IQSEC1: variants seen among roughly 807,000 people sequenced by gnomAD.
The protein encoded by IQSEC1 is IQ motif and Sec7 domain ArfGEF 1.
A neutral mutation model predicts 91.0 loss-of-function variants in IQSEC1; 31 were observed. That is an observed-to-expected ratio of 0.34 (90% CI 0.26 to 0.46). IQSEC1 has a LOEUF of 0.46. Ranked by LOEUF, IQSEC1 falls within the 20% of genes least tolerant of loss-of-function variation. IQSEC1 has a pLI of 1.00. For synonymous variants in IQSEC1, 699 were observed against 662.6 expected (o/e 1.05, Z -0.84); for missense variants, 1,388 against 1,575.6 (o/e 0.88, Z 2.02).
intron 3 of IQSEC1, among the ~76,000 whole-genome samples, chr3:12,934,705 T>C (rs1698006716): frequency 6.6e-6 from 1 of 152,096 alleles, no homozygotes; most frequent in Admixed American, 6.5e-5. Context: ...CCTCCTCCCC[T>C]TCCTCTTGCT....
intron 1 of IQSEC1, among the ~76,000 whole-genome samples, chr3:13,032,767 A>G (rs1035211324): frequency 6.6e-6 from 1 of 152,006 alleles, no homozygotes; most frequent in East Asian, 1.9e-4. Context: ...TGTATTTTTA[A>G]TAGAGACGGG....
At chr3:13,063,894 C>T (rs907660002) in intron 1 of IQSEC1, among the ~76,000 whole-genome samples, 3 of 152,136 alleles carry the variant, frequency 2.0e-5, no homozygotes, top group African/African-American at 4.8e-5. Flanking sequence ...TGGCTGTCTG[C>T]TGTCCTCAAT....
chr3:13,023,565 TCACC>T, intron 1 of IQSEC1, among the ~76,000 whole-genome samples: 1 of 152,038 alleles, frequency 6.6e-6, no homozygotes, highest in Non-Finnish European at 1.5e-5. Context: ...GAGAGGGCCA[TCACC>T]TGTCTGCAGA....
chr3:13,190,028 C>T (rs542905444), intron 1 of IQSEC1, among the ~76,000 whole-genome samples: 159 of 152,344 alleles, frequency 1.0e-3, no homozygotes, highest in Non-Finnish European at 2.0e-3. Flanking sequence ...CCGCCCTGAC[C>T]ACCTGGGTCT....
intron 4 of IQSEC1, among the ~76,000 whole-genome samples, chr3:12,923,977 A>G (rs1696873953): frequency 6.6e-6 from 1 of 152,188 alleles, no homozygotes; most frequent in South Asian, 2.1e-4. Flanking sequence ...CTGAACTGAG[A>G]AGAGCTGTGG....
At chr3:13,026,517 G>A (rs995148316) in intron 1 of IQSEC1, among the ~76,000 whole-genome samples, 5 of 152,236 alleles carry the variant, frequency 3.3e-5, no homozygotes, top group African/African-American at 1.2e-4. Context: ...TATCACTTGA[G>A]GATTTGGTGA....
Position 12,936,481 on chromosome 3 carries a change from C to T in IQSEC1, c.535G>A (p.Glu179Lys), listed in dbSNP as rs989850235. The T allele has an allele frequency of 2.8e-5, 45 of 1,611,966 alleles. No individual in the cohort carries two copies. Among genetic ancestry groups the T allele is most frequent in the Non-Finnish European group, 3.5e-5 (41 of 1,178,874 alleles). Residue 179 changes from glutamate (E) to lysine (K), a missense_variant, in exon 3 of 14, where the codon GAG becomes AAG. By Grantham distance (56) the Glu-to-Lys change is moderately conservative (BLOSUM62 1). This residue lies in a region of IQSEC1 where 1,059 missense variants were observed against 1,317.8 expected (regional missense o/e 0.80). Coordinates refer to ENST00000613206, the MANE Select transcript of IQSEC1 (RefSeq NM_001134382.3). ...TTAGTCACTGAGACCTGCTTCCCCTCGAAGTAGGAGCTGTGCACTTTCTCA... is the reference window on the plus strand; with the variant it reads ...TTAGTCACTGAGACCTGCTTCCCCTTGAAGTAGGAGCTGTGCACTTTCTCA... ...GPEKVHSSYF[E>K]GKQVSVTNDG...
chr3:12,960,268 G>C (rs577225522), intron 1 of IQSEC1: 2 of 152,174 alleles, frequency 1.3e-5, no homozygotes. Flanking sequence ...TCTGAGGATC[G>C]TTCTTAGCCC....
At chr3:13,209,610 C>T (rs1694407652) in intron 1 of IQSEC1, among the ~76,000 whole-genome samples, 1 of 152,204 alleles carries the variant, frequency 6.6e-6, no homozygotes, top group Non-Finnish European at 1.5e-5. Flanking sequence ...CTCCCTGCAG[C>T]ACACCCCTGC....
chr3:13,252,702 ACTT>A (rs1426568353), intron 1 of IQSEC1, among the ~76,000 whole-genome samples: 1 of 149,238 alleles, frequency 6.7e-6, no homozygotes, highest in Non-Finnish European at 1.5e-5. Context: ...TCACCAACAG[ACTT>A]CTTATTATCT....
At chr3:13,234,134 G>A (rs1235662117) in intron 1 of IQSEC1, among the ~76,000 whole-genome samples, 1 of 152,208 alleles carries the variant, frequency 6.6e-6, no homozygotes, top group Non-Finnish European at 1.5e-5. Flanking sequence ...CACAGATTGT[G>A]CCTGTGTTTG....
At chr3:12,966,708 C>G (rs536337757) in intron 1 of IQSEC1, among the ~76,000 whole-genome samples, 1 of 152,280 alleles carries the variant, frequency 6.6e-6, no homozygotes, top group East Asian at 1.9e-4. Flanking sequence ...CATCCACACT[C>G]TGCCACAAAC....
intron 2 of IQSEC1, among the ~76,000 whole-genome samples, chr3:13,145,606 C>T (rs1168719162): frequency 6.6e-6 from 1 of 152,164 alleles, no homozygotes; most frequent in East Asian, 1.9e-4. Flanking sequence ...CTTGGCCCAA[C>T]CATGACTTTC....
At chr3:13,043,537 G>A (rs1312931139) in intron 1 of IQSEC1, among the ~76,000 whole-genome samples, 1 of 152,226 alleles carries the variant, frequency 6.6e-6, no homozygotes, top group Non-Finnish European at 1.5e-5. Flanking sequence ...CACCCCTCGT[G>A]TCTAAGCTAT....
In IQSEC1 at chr3:12,924,792, C is replaced by T. The variant is rs1025919386; in HGVS notation, c.1569-50G>A. ...CAGTCCCAGCTGCCCGGCCACCAGC[C>T]AGGCACCTGGAGGGGATCTCCGCTC... On this transcript the variant is annotated intron_variant, in intron 3 of 13. Transcript: ENST00000613206. The surrounding 1 kb of genome is among the most constrained non-coding windows in gnomAD (Gnocchi z 6.3). 4 of 1,500,722 alleles carry T rather than the reference C, an allele frequency of 2.7e-6. No individual in the cohort carries two copies. Among genetic ancestry groups the T allele is most frequent in the African/African-American group, 2.8e-5 (2 of 71,290 alleles). 93.0% of individuals were successfully genotyped at this position (1,500,722 alleles called of 1,614,324 possible).
At chr3:13,076,931 T>C (rs150866766), upstream of IQSEC1, among the ~76,000 whole-genome samples, 11 of 152,230 alleles carry the variant, frequency 7.2e-5, no homozygotes, top group Non-Finnish European at 1.5e-4. Flanking sequence ...CTTCCAGAAC[T>C]TTTTCTATGC....
At chr3:13,125,055 C>T (rs532256004) in intron 2 of IQSEC1, among the ~76,000 whole-genome samples, 2 of 152,170 alleles carry the variant, frequency 1.3e-5, no homozygotes, top group African/African-American at 2.4e-5. Context: ...CAGACAGCAC[C>T]ACCCTTCTGC....
At position 12,993,036 on chromosome 3, in the gene IQSEC1, C is replaced by T. The variant is rs1174878744; in HGVS notation, c.24-51171G>A. ...GACCCTGGCCCAGGAGTGTCTCATC[C>T]TCAGGCTGGCAGGTGGGACAGGTTT... On this transcript the variant is annotated intron_variant, in intron 1 of 13. Transcript: ENST00000613206. Among the ~76,000 whole-genome samples, 6 of 152,228 alleles carry T rather than the reference C, an allele frequency of 3.9e-5. No individual in the cohort carries two copies. In the East Asian group the frequency reaches 1.2e-3, roughly 29 times the overall value.
In IQSEC1 at chr3:12,898,063, G is replaced by C. The variant is rs1404370106; in HGVS notation, c.*2920C>G. 2.0e-5 allele frequency: 3 copies of C among 152,274 alleles called. No individual in the cohort carries two copies. The highest frequency in any genetic ancestry group is 1.9e-4 in the East Asian group (1 of 5,202). 9.4% of individuals were successfully genotyped at this position (152,274 alleles called of 1,614,324 possible). ...GTAACTGCAGTAATTTGTGTGACTT[G>C]AGAAAGGTGTGCCAAGGGCGTCCTC... On this transcript the variant is annotated 3_prime_UTR_variant, in exon 14 of 14. Transcript: ENST00000613206.
Sources: allele counts gnomAD v4.1 joint callset (sites outside exome capture counted in the v4.1 genomes callset), GRCh38; gene constraint gnomAD v4.1.1; regional missense constraint gnomAD v4.1.1; non-coding constraint Gnocchi (gnomAD v3.1); transcripts MANE v1.5; gene names NCBI Gene and HGNC (gene_info 2026-07-23, HGNC 2026-07-21).